Variants in IGF1R observed in about 807,000 individuals in gnomAD.
IGF1R encodes insulin like growth factor 1 receptor.
Under a neutral mutation model 144.6 loss-of-function variants are expected in IGF1R, and 44 were observed. The ratio of observed to expected loss-of-function variants is 0.30; its 90% CI spans 0.24 to 0.39. The LOEUF is 0.39. Ranked by LOEUF, IGF1R falls within the 10% of genes least tolerant of loss-of-function variation. The pLI, the probability that IGF1R is intolerant of heterozygous loss-of-function variation, is 1.00. For synonymous variants in IGF1R, 795 were observed against 722.8 expected (o/e 1.10, Z -1.60); for missense variants, 1,355 against 1,833.7 (o/e 0.74, Z 4.77).
At chr15:98,750,549 C>CAAAGTG (rs1319792682) in intron 2 of IGF1R, among the ~76,000 whole-genome samples, 2 of 152,162 alleles carry the variant, frequency 1.3e-5, no homozygotes, top group Non-Finnish European at 2.9e-5. Flanking sequence ...AACTGCTGGG[C>CAAAGTG]AAAGTGGCTC....
intron 15 of IGF1R, among the ~76,000 whole-genome samples, chr15:98,933,302 T>A (rs917994945): frequency 5.3e-5 from 8 of 152,236 alleles, no homozygotes; most frequent in African/African-American, 1.9e-4. Context: ...CCTTTCTTTC[T>A]CTTTGTTTTG....
intron 2 of IGF1R, among the ~76,000 whole-genome samples, chr15:98,797,366 G>A (rs2056268658): frequency 6.6e-6 from 1 of 152,232 alleles, no homozygotes; most frequent in African/African-American, 2.4e-5. Context: ...CTGATGCCCG[G>A]GTGTTTGGAC....
intron 1 of IGF1R, among the ~76,000 whole-genome samples, chr15:98,688,107 C>G (rs1453203848): frequency 6.6e-6 from 1 of 152,162 alleles, no homozygotes; most frequent in Non-Finnish European, 1.5e-5. Context: ...CTGCACCTTA[C>G]TGAAGGAAGG....
intron 1 of IGF1R, among the ~76,000 whole-genome samples, chr15:98,697,701 A>C (rs2053626279): frequency 2.7e-5 from 2 of 74,190 alleles, no homozygotes; most frequent in Non-Finnish European, 5.0e-5. Context: ...CTCTATACTT[A>C]AATTGTGGTG....
chr15:98,758,657 C>T (rs1279039191), intron 2 of IGF1R, among the ~76,000 whole-genome samples: 1 of 152,188 alleles, frequency 6.6e-6, no homozygotes, highest in African/African-American at 2.4e-5. Context: ...TGGATGGACT[C>T]TCAGTTACAA....
chr15:98,926,557 GATAA>G (rs1392898928), intron 13 of IGF1R, among the ~76,000 whole-genome samples: 1 of 152,118 alleles, frequency 6.6e-6, no homozygotes, highest in East Asian at 1.9e-4. Flanking sequence ...TGTTGTACAT[GATAA>G]ATATACAATT....
At chr15:98,955,933 T>C (rs966452276) in intron 20 of IGF1R, among the ~76,000 whole-genome samples, 2 of 152,222 alleles carry the variant, frequency 1.3e-5, no homozygotes, top group African/African-American at 4.8e-5. Context: ...AACTTCCTGG[T>C]GAGAACAGAC....
At chr15:98,941,281 T>A (rs2016355424) in intron 18 of IGF1R, among the ~76,000 whole-genome samples, 1 of 152,232 alleles carries the variant, frequency 6.6e-6, no homozygotes, top group South Asian at 2.1e-4. Context: ...AGATGGCAGT[T>A]CCTGTCTGTG....
At chr15:98,956,046 TG>T (rs2016967591) in intron 20 of IGF1R, among the ~76,000 whole-genome samples, 1 of 152,262 alleles carries the variant, frequency 6.6e-6, no homozygotes, top group Admixed American at 6.5e-5. Flanking sequence ...AGCTGCTTTT[TG>T]CCCCAAAAGT....
rs371160703 is a variant in IGF1R, at chr15:98,761,416, C to T, written c.640+53309C>T. Reference sequence around the variant, plus strand: ...GGAAGGAAGCGAGGATGGACATGGACGGGGAAGCATTCATACCAGGCAGGA... The same window carrying T: ...GGAAGGAAGCGAGGATGGACATGGATGGGGAAGCATTCATACCAGGCAGGA... On this transcript the variant is annotated intron_variant, in intron 2 of 20. Coordinates refer to ENST00000650285, the MANE Select transcript of IGF1R (RefSeq NM_000875.5). 5.9e-5 allele frequency among the ~76,000 whole-genome samples: 9 copies of T among 152,302 alleles called. No homozygotes were observed. In the East Asian group the frequency reaches 1.2e-3, roughly 20 times the overall value.
chr15:98,799,574 A>G (rs1436118333), intron 2 of IGF1R, among the ~76,000 whole-genome samples: 2 of 152,214 alleles, frequency 1.3e-5, no homozygotes, highest in African/African-American at 4.8e-5. Context: ...TTCATTTGGT[A>G]TCTCCAGCTT....
intron 2 of IGF1R, among the ~76,000 whole-genome samples, chr15:98,787,069 C>G (rs775142849): frequency 2.0e-5 from 3 of 152,150 alleles, no homozygotes; most frequent in Non-Finnish European, 4.4e-5. Flanking sequence ...AGCGCCCCTT[C>G]GTAATTGGTC....
chr15:98,900,910 C>T (rs2014448356), intron 5 of IGF1R: 1 of 151,770 alleles, frequency 6.6e-6, no homozygotes, highest in South Asian at 2.1e-4. Flanking sequence ...TTTCTTGTTG[C>T]TTAATGATAT....
intron 2 of IGF1R, among the ~76,000 whole-genome samples, chr15:98,839,925 C>G (rs2011145724): frequency 1.3e-5 from 2 of 152,296 alleles, no homozygotes; most frequent in South Asian, 4.1e-4. Flanking sequence ...TGCCTGTTGT[C>G]ATTTTATCCA....
chr15:98,877,842 T>C (rs2013140887), intron 2 of IGF1R, among the ~76,000 whole-genome samples: 1 of 152,242 alleles, frequency 6.6e-6, no homozygotes, highest in South Asian at 2.1e-4. Flanking sequence ...TGACAAAATT[T>C]TATCAGAAAC....
chr15:98,695,452 C>A lies in IGF1R; in HGVS notation c.95-12110C>A, dbSNP rs73473463. On this transcript the variant is annotated intron_variant, in intron 1 of 20. Transcript: ENST00000650285. Reference sequence around the variant, plus strand: ...GCATCCTTGTCAGCCTTAAGAGATACCTCCAAAGCGGAATTTTCTACCCCT... The same window carrying A: ...GCATCCTTGTCAGCCTTAAGAGATAACTCCAAAGCGGAATTTTCTACCCCT... Among the ~76,000 whole-genome samples, 1,015 of 152,280 alleles carry A rather than the reference C, an allele frequency of 6.7e-3. 10 individuals carry two copies. Among genetic ancestry groups the A allele is most frequent in the African/African-American group, 0.023 (963 of 41,542 alleles).
At chr15:98,824,886 G>T (rs1175876204) in intron 2 of IGF1R, among the ~76,000 whole-genome samples, 2 of 151,540 alleles carry the variant, frequency 1.3e-5, no homozygotes, top group Non-Finnish European at 2.9e-5. Flanking sequence ...ACCCATGCTG[G>T]AGTGTACTGG....
intron 2 of IGF1R, among the ~76,000 whole-genome samples, chr15:98,732,385 T>C (rs976289675): frequency 6.6e-6 from 1 of 152,226 alleles, no homozygotes; most frequent in Middle Eastern, 3.2e-3. Context: ...CGGAAACCAG[T>C]TGTGGCCCTG....
At chr15:98,721,122 C>T (rs2054236999) in intron 2 of IGF1R, among the ~76,000 whole-genome samples, 3 of 152,222 alleles carry the variant, frequency 2.0e-5, no homozygotes, top group African/African-American at 7.2e-5. Context: ...CCTACTGAGG[C>T]TACGCTCTTC....
Sources: gnomAD v4.1 joint callset for allele counts (sites outside exome capture counted in the v4.1 genomes callset) on GRCh38, gnomAD v4.1.1 for gene constraint, MANE v1.5 for transcripts, NCBI Gene and HGNC (gene_info 2026-07-23, HGNC 2026-07-21) for gene names.